The following MYO5B variants were observed in gnomAD, a reference collection of about 807,000 sequenced individuals.
MYO5B encodes the protein myosin VB.
A neutral mutation model predicts 229.3 loss-of-function variants in MYO5B; 143 were observed. The ratio of observed to expected loss-of-function variants is 0.62; its 90% CI spans 0.54 to 0.72. The LOEUF is 0.72. MYO5B is among the 30% of genes least tolerant of loss of function. The pLI, the probability that MYO5B is intolerant of heterozygous loss-of-function variation, is 0.00. For missense variants in MYO5B, 2,321 were observed against 2,331.0 expected (o/e 1.00, Z 0.09); for synonymous variants, 918 against 885.2 (o/e 1.04, Z -0.66).
At chr18:49,980,257 A>C (rs1352966702) in intron 9 of MYO5B, among the ~76,000 whole-genome samples, 187 bp downstream of exon 9, 2 of 152,230 alleles carry the variant, frequency 1.3e-5, no homozygotes, top group African/African-American at 4.8e-5. Context: ...CGGCAACAGA[A>C]ACTTGATGGC....
intron 2 of MYO5B, among the ~76,000 whole-genome samples, chr18:50,050,982 A>G (rs974965196): frequency 3.9e-5 from 6 of 152,222 alleles, no homozygotes; most frequent in Middle Eastern, 3.2e-3. Flanking sequence ...CCTCTGCAAC[A>G]TGACAGAGGA....
intron 39 of MYO5B, among the ~76,000 whole-genome samples, chr18:49,830,075 T>C (rs1366609631): frequency 6.6e-6 from 1 of 151,844 alleles, no homozygotes; most frequent in Non-Finnish European, 1.5e-5. Flanking sequence ...AGAAAAGAGA[T>C]AAGAGGCAGC....
At chr18:49,925,143 A>T (rs548314588) in intron 17 of MYO5B, among the ~76,000 whole-genome samples, 157 of 152,294 alleles carry the variant, frequency 1.0e-3, no homozygotes, top group Non-Finnish European at 1.6e-3. Context: ...TCTATATCTG[A>T]TAAGAAACAT....
chr18:50,175,852 T>A (rs922317481), intron 1 of MYO5B, among the ~76,000 whole-genome samples: 2 of 152,138 alleles, frequency 1.3e-5, no homozygotes, highest in African/African-American at 4.8e-5. Context: ...GGTTGAGGGG[T>A]GTTCAACTGA....
At chr18:50,158,411 T>TA (rs1166126991) in intron 1 of MYO5B, among the ~76,000 whole-genome samples, 7 of 152,228 alleles carry the variant, frequency 4.6e-5, no homozygotes, top group Non-Finnish European at 1.0e-4. Context: ...TTTATGCAGA[T>TA]ATCTGGACTT....
At position 49,942,941 on chromosome 18, in the gene MYO5B, A is replaced by C. The variant is rs1057507564; in HGVS notation, c.1753-5544T>G. 1.3e-3 allele frequency among the ~76,000 whole-genome samples: 196 copies of C among 152,212 alleles called. 2 individuals carry two copies. The highest frequency in any genetic ancestry group is 4.2e-3 in the Admixed American group (64 of 15,300). Reference sequence around the variant, plus strand: ...GTATATTTATTGCGGCACTATTCACAATAGCAAAGACTTGGAACCAACCCA... The same window carrying C: ...GTATATTTATTGCGGCACTATTCACCATAGCAAAGACTTGGAACCAACCCA... On this transcript the variant is annotated intron_variant, in intron 14 of 39. Coordinates refer to ENST00000285039, the MANE Select transcript of MYO5B (RefSeq NM_001080467.3).
chr18:49,894,310 C>G (rs983838667), intron 22 of MYO5B, among the ~76,000 whole-genome samples: 2 of 152,098 alleles, frequency 1.3e-5, no homozygotes, highest in African/African-American at 4.8e-5. Context: ...GGAGGCAGAA[C>G]AGCAATGACC....
intron 1 of MYO5B, among the ~76,000 whole-genome samples, chr18:50,185,374 C>T (rs1273858774): frequency 6.6e-6 from 1 of 151,928 alleles, no homozygotes. Flanking sequence ...CTTGTGGTGG[C>T]TATTGGCCAT....
At chr18:50,088,548 A>G (rs2031380209) in intron 1 of MYO5B, among the ~76,000 whole-genome samples, 1 of 152,226 alleles carries the variant, frequency 6.6e-6, no homozygotes, top group Non-Finnish European at 1.5e-5. Flanking sequence ...TTGAAGGAGC[A>G]ATATTTTTAA....
At position 49,841,474 on chromosome 18, in the gene MYO5B, T is replaced by C. The variant is rs755195620; in HGVS notation, c.4612-20A>G. ...GTGCTTCTGTGAAAAGAAAAGGACA[T>C]CCTCAGCTCTAAGTGGCTCCCATCT... On this transcript the variant is annotated intron_variant, in intron 34 of 39. Transcript: ENST00000285039. The C allele has an allele frequency of 3.1e-6, 5 of 1,606,966 alleles. No homozygotes were observed. In the Admixed American group the frequency reaches 5.0e-5, roughly 16 times the overall value.
intron 14 of MYO5B, among the ~76,000 whole-genome samples, chr18:49,948,397 G>GT (rs2025397807): frequency 7.5e-6 from 1 of 134,146 alleles, no homozygotes; most frequent in African/African-American, 2.5e-5. Flanking sequence ...AAAAGTCTCA[G>GT]TACTTCATTT....
intron 16 of MYO5B, among the ~76,000 whole-genome samples, chr18:49,931,822 C>G (rs80331916): frequency 6.6e-6 from 1 of 152,192 alleles, no homozygotes; most frequent in Non-Finnish European, 1.5e-5. Flanking sequence ...GAAGGCAGAG[C>G]GGACACCCCT....
At chr18:49,845,779 G>A (rs1318498873) in intron 33 of MYO5B, among the ~76,000 whole-genome samples, 1 of 152,198 alleles carries the variant, frequency 6.6e-6, no homozygotes, top group Non-Finnish European at 1.5e-5. Context: ...GAGCAGGGAG[G>A]TGGCCTGTTG....
rs190008261 is a variant in MYO5B, at chr18:49,956,453, C to G, written c.1546-2018G>C. On this transcript the variant is annotated intron_variant, in intron 12 of 39. Coordinates refer to ENST00000285039, the MANE Select transcript of MYO5B (RefSeq NM_001080467.3). Reference sequence around the variant, plus strand: ...AGCAGAGCTGGTGTTCCAAACAGGACAAGTTAATTCTTCCTGCCTGACGAC... The same window carrying G: ...AGCAGAGCTGGTGTTCCAAACAGGAGAAGTTAATTCTTCCTGCCTGACGAC... Among the ~76,000 whole-genome samples the G allele has an allele frequency of 3.5e-4, 53 of 152,318 alleles. 1 individual carries two copies. The highest frequency in any genetic ancestry group is 3.3e-3 in the Admixed American group (51 of 15,304).
chr18:50,113,742 C>T (rs576435269), intron 1 of MYO5B, among the ~76,000 whole-genome samples: 19 of 152,222 alleles, frequency 1.2e-4, no homozygotes, highest in East Asian at 3.9e-4. Context: ...TTAGAGGAGC[C>T]CCCTCTTACC....
intron 4 of MYO5B, among the ~76,000 whole-genome samples, chr18:50,028,037 G>GA (rs2026349611): frequency 1.3e-5 from 2 of 152,018 alleles, no homozygotes; most frequent in South Asian, 4.2e-4. Flanking sequence ...TTTGAAAAAA[G>GA]AAAAAACACA....
chr18:49,926,915 TCA>T lies in MYO5B; in HGVS notation c.2090+2595_2090+2596del, dbSNP rs368100336. On this transcript the variant is annotated intron_variant, in intron 17 of 39. Transcript: ENST00000285039. ...AGGTATACTAACTGAAATAAGCCAC[TCA>T]CAAAAGGACAAATACTGTATTAATC... Among the ~76,000 whole-genome samples, 87 of 152,292 alleles carry T rather than the reference TCA, an allele frequency of 5.7e-4. 1 individual carries two copies. The East Asian group carries it at 0.016, about 28-fold the overall frequency.
chr18:49,859,358 T>C (rs532874163), intron 29 of MYO5B, among the ~76,000 whole-genome samples: 4 of 152,304 alleles, frequency 2.6e-5, no homozygotes, highest in East Asian at 1.9e-4. Flanking sequence ...GTGAAGATAT[T>C]GGAAAAACAG....
At chr18:49,943,209 A>C (rs1598900623) in intron 14 of MYO5B, among the ~76,000 whole-genome samples, 2 of 103,152 alleles carry the variant, frequency 1.9e-5, no homozygotes, top group Non-Finnish European at 3.6e-5. Flanking sequence ...CACACTGGGG[A>C]CTGTTGTGGG....
Sources: gnomAD v4.1 joint callset for allele counts (sites outside exome capture counted in the v4.1 genomes callset) on GRCh38, gnomAD v4.1.1 for gene constraint, MANE v1.5 for transcripts, NCBI Gene and HGNC (gene_info 2026-07-23, HGNC 2026-07-21) for gene names.